Variants in RASAL2 observed in about 807,000 individuals in gnomAD.
RASAL2 encodes RAS protein activator like 2.
In RASAL2, 58 loss-of-function variants were observed where a neutral mutation model predicts 128.9. The ratio of observed to expected loss-of-function variants is 0.45; its 90% CI spans 0.36 to 0.56. The LOEUF is 0.56. Ranked by LOEUF, RASAL2 falls within the 20% of genes least tolerant of loss-of-function variation. The pLI is 0.00. For synonymous variants in RASAL2, 561 were observed against 580.8 expected, an observed-to-expected ratio of 0.97 and a Z score of 0.49; for missense variants, 1,360 against 1,601.6, an observed-to-expected ratio of 0.85 and a Z score of 2.57.
chr1:178,107,752 A>G (rs936110825), intron 1 of RASAL2, among the ~76,000 whole-genome samples: 1 of 152,178 alleles, frequency 6.6e-6, no homozygotes, highest in African/African-American at 2.4e-5. Context: ...CACTAAGCAT[A>G]ATGGCTTCAA....
At position 178,333,249 on chromosome 1, in the gene RASAL2, G is replaced by C. The variant is rs550067044; in HGVS notation, c.457+33131G>C. 1.4e-4 allele frequency among the ~76,000 whole-genome samples: 22 copies of C among 151,756 alleles called. No individual in the cohort carries two copies. In the South Asian group the frequency reaches 4.6e-3, roughly 32 times the overall value. The stretch of plus-strand genomic sequence containing the variant: ...TTCACGTGTTAGCCAGGATGGTCTC[G>C]ATCTCCTGACCTTGTGACCCGCCCG... On this transcript the variant is annotated intron_variant, in intron 3 of 17. Coordinates refer to ENST00000367649, the MANE Select transcript of RASAL2 (RefSeq NM_170692.4).
At chr1:178,346,588 G>T (rs755505060) in intron 3 of RASAL2, among the ~76,000 whole-genome samples, 50 of 152,026 alleles carry the variant, frequency 3.3e-4, no homozygotes, top group Non-Finnish European at 6.3e-4. Context: ...CTGAAATTTT[G>T]AAATATGCTT....
chr1:178,269,231 G>A (rs895888134), intron 1 of RASAL2, among the ~76,000 whole-genome samples: 1 of 152,176 alleles, frequency 6.6e-6, no homozygotes, highest in African/African-American at 2.4e-5. Flanking sequence ...CCCTCATCAG[G>A]AACTAAATTG....
intron 3 of RASAL2, among the ~76,000 whole-genome samples, chr1:178,381,672 A>C (rs552983907): frequency 1.5e-4 from 23 of 152,100 alleles, no homozygotes; most frequent in African/African-American, 4.1e-4. Context: ...ATCAAGACTA[A>C]ATCTTTTTTT....
chr1:178,154,107 A>G (rs1410011200), intron 1 of RASAL2, among the ~76,000 whole-genome samples: 3 of 150,484 alleles, frequency 2.0e-5, no homozygotes, highest in Non-Finnish European at 1.5e-5. Flanking sequence ...GAGTGCTGGG[A>G]TTACAGGTGT....
intron 1 of RASAL2, among the ~76,000 whole-genome samples, chr1:178,171,002 T>G (rs1332052654): frequency 2.0e-5 from 3 of 151,980 alleles, no homozygotes; most frequent in African/African-American, 7.2e-5. Flanking sequence ...GCATATGCTC[T>G]TAATTCAGTG....
At chr1:178,299,674 T>C (rs1667676989) in intron 2 of RASAL2, among the ~76,000 whole-genome samples, 1 of 152,012 alleles carries the variant, frequency 6.6e-6, no homozygotes, top group African/African-American at 2.4e-5. Context: ...ATTTTTGTAT[T>C]TTTGTAGAAA....
chr1:178,340,455 GA>G (rs775317265), intron 3 of RASAL2, among the ~76,000 whole-genome samples: 1 of 151,544 alleles, frequency 6.6e-6, no homozygotes, highest in Non-Finnish European at 1.5e-5. Context: ...GGGGAATATA[GA>G]AAAAAACCCT....
chr1:178,346,402 T>TAAA (rs1670156745), intron 3 of RASAL2, among the ~76,000 whole-genome samples: 1 of 140,874 alleles, frequency 7.1e-6, no homozygotes, highest in Non-Finnish European at 1.6e-5. Flanking sequence ...CCTTGTATCT[T>TAAA]TAAAAAAAAA....
intron 3 of RASAL2, among the ~76,000 whole-genome samples, chr1:178,306,996 C>T (rs1050572754): frequency 6.8e-6 from 1 of 148,056 alleles, no homozygotes; most frequent in African/African-American, 2.6e-5. Flanking sequence ...CACATGTACC[C>T]TAAAACTTAA....
intron 15 of RASAL2, among the ~76,000 whole-genome samples, chr1:178,464,850 TTTTTTTG>T: frequency 6.8e-6 from 1 of 147,114 alleles, no homozygotes; most frequent in Admixed American, 6.7e-5. Flanking sequence ...TTTTTTTTTT[TTTTTTTG>T]CCTTTTCTGG....
chr1:178,365,249 G>T (rs1270498909), intron 3 of RASAL2, among the ~76,000 whole-genome samples: 1 of 151,998 alleles, frequency 6.6e-6, no homozygotes. Flanking sequence ...AGTTTCATTA[G>T]TTTCATCAGC....
intron 1 of RASAL2, among the ~76,000 whole-genome samples, chr1:178,247,356 A>G (rs566112052): frequency 6.6e-6 from 1 of 152,158 alleles, no homozygotes; most frequent in East Asian, 1.9e-4. Context: ...TTTTGCATAC[A>G]GGTGTTTATA....
chr1:178,383,312 T>G (rs1171694534), intron 3 of RASAL2, among the ~76,000 whole-genome samples: 1 of 152,150 alleles, frequency 6.6e-6, no homozygotes, highest in East Asian at 1.9e-4. Flanking sequence ...GGATTTGTAT[T>G]TCAGAGCAGC....
chr1:178,134,703 A>G (rs193039734), intron 1 of RASAL2, among the ~76,000 whole-genome samples: 109 of 152,274 alleles, frequency 7.2e-4, no homozygotes, highest in Non-Finnish European at 1.0e-3. Flanking sequence ...CAGAGCTTTC[A>G]CTGGAAATTT....
chr1:178,348,433 A>G (rs1488021793), intron 3 of RASAL2, among the ~76,000 whole-genome samples: 2 of 152,198 alleles, frequency 1.3e-5, no homozygotes, highest in African/African-American at 4.8e-5. Flanking sequence ...AGCTGGGACT[A>G]TAGGTGCACA....
At chr1:178,249,966 C>A (rs1330225951) in intron 1 of RASAL2, among the ~76,000 whole-genome samples, 1 of 152,112 alleles carries the variant, frequency 6.6e-6, no homozygotes, top group African/African-American at 2.4e-5. Context: ...AGCCTGATGC[C>A]GGGGCTCTTC....
intron 4 of RASAL2, among the ~76,000 whole-genome samples, chr1:178,419,450 T>G (rs1018285474): frequency 6.6e-6 from 1 of 151,592 alleles, no homozygotes; most frequent in Admixed American, 6.6e-5. Context: ...AATTTTTTAT[T>G]TTATTTTATT....
chr1:178,336,188 C>CTT (rs149853262), intron 3 of RASAL2, among the ~76,000 whole-genome samples: 11 of 143,634 alleles, frequency 7.7e-5, no homozygotes, highest in Admixed American at 3.5e-4. Flanking sequence ...CTTTTTCTTC[C>CTT]TTTTTTTTTT....
Sources: allele counts gnomAD v4.1 joint callset (sites outside exome capture counted in the v4.1 genomes callset), GRCh38; gene constraint gnomAD v4.1.1; transcripts MANE v1.5; gene names NCBI Gene and HGNC (gene_info 2026-07-23, HGNC 2026-07-21).